The following PDE11A variants were observed in gnomAD, a reference collection of about 807,000 sequenced individuals.
The protein encoded by PDE11A is phosphodiesterase 11A.
Under a neutral mutation model 100.5 loss-of-function variants are expected in PDE11A, and 100 were observed. The observed-to-expected ratio is 1.00, with a 90% CI of 0.85 to 1.18. The LOEUF (loss-of-function observed/expected upper bound fraction) is 1.18. PDE11A is among the 50% of genes most tolerant of loss of function. The pLI is 0.00. For missense variants in PDE11A, 1,141 were observed against 1,152.6 expected, an observed-to-expected ratio of 0.99 and a Z score of 0.15; for synonymous variants, 381 against 420.8, an observed-to-expected ratio of 0.91 and a Z score of 1.16.
chr2:177,634,388 C>CTTTT (rs1198925669), intron 19 of PDE11A, among the ~76,000 whole-genome samples: 7,217 of 60,950 alleles, frequency 0.12, 399 homozygotes, highest in East Asian at 0.4. Flanking sequence ...TTTTCTCTCT[C>CTTTT]TCTTTTTTTT....
intron 14 of PDE11A, among the ~76,000 whole-genome samples, chr2:177,700,075 G>C (rs572524074): frequency 1.3e-5 from 2 of 152,304 alleles, no homozygotes; most frequent in African/African-American, 4.8e-5. Flanking sequence ...CACAGCCACA[G>C]AGGCCAGGAT....
chr2:177,726,167 A>G (rs1248890663), intron 12 of PDE11A, among the ~76,000 whole-genome samples: 1 of 151,974 alleles, frequency 6.6e-6, no homozygotes, highest in Non-Finnish European at 1.5e-5. Flanking sequence ...TTGATGGCTC[A>G]CTCCTCTAAC....
rs2079855574 is a variant in PDE11A at position 177,627,582 on chromosome 2, A to T, written c.*1825T>A. The T allele has an allele frequency of 6.6e-6, 1 of 152,014 alleles. No homozygotes were observed. Among genetic ancestry groups the T allele is most frequent in the South Asian group, 2.1e-4 (1 of 4,790 alleles). 9.4% of individuals were successfully genotyped at this position (152,014 alleles called of 1,614,324 possible). On this transcript the variant is annotated 3_prime_UTR_variant, in exon 20 of 20. Coordinates refer to ENST00000286063, the MANE Select transcript of PDE11A (RefSeq NM_016953.4). Reference sequence around the variant, plus strand: ...TAACAAGGGCCGGGTACGGTGGCTCACGCCTGTAATCCCAGCACTTTCGGA... The same window carrying T: ...TAACAAGGGCCGGGTACGGTGGCTCTCGCCTGTAATCCCAGCACTTTCGGA...
chr2:178,095,992 T>C (rs2087483860), intron 2 of PDE11A, among the ~76,000 whole-genome samples: 1 of 152,120 alleles, frequency 6.6e-6, no homozygotes, highest in Admixed American at 6.5e-5. Flanking sequence ...TTTTCCCACC[T>C]AGGTCTCAGG....
At position 177,791,393 on chromosome 2, in the gene PDE11A, G is replaced by A. The variant is rs888821859; in HGVS notation, c.1738-22020C>T. Among the ~76,000 whole-genome samples the A allele has an allele frequency of 4.2e-5, 5 of 118,828 alleles. No homozygotes were observed. The Admixed American group carries it at 4.7e-4, about 11-fold the overall frequency. 78.0% of individuals were successfully genotyped at this position (118,828 alleles called of 152,430 possible). A position where few individuals can be genotyped will look rare whatever the true frequency, so the allele number is the denominator to read the frequency against. ...CACACTCTGGGGACTGTTGTCGGGTGGGGGGAGGGGGGAGGGATAGCATTA... is the reference window on the plus strand; with the variant it reads ...CACACTCTGGGGACTGTTGTCGGGTAGGGGGAGGGGGGAGGGATAGCATTA... On this transcript the variant is annotated intron_variant, in intron 9 of 19. Coordinates refer to ENST00000286063, the MANE Select transcript of PDE11A (RefSeq NM_016953.4).
At chr2:178,039,851 T>C (rs1480472069) in intron 1 of PDE11A, among the ~76,000 whole-genome samples, 3 of 151,898 alleles carry the variant, frequency 2.0e-5, no homozygotes, top group Non-Finnish European at 4.4e-5. Context: ...AACAAAAGAA[T>C]ACATGTAGAA....
chr2:177,774,262 T>C (rs988514853), intron 9 of PDE11A, among the ~76,000 whole-genome samples: 12 of 152,224 alleles, frequency 7.9e-5, no homozygotes, highest in Non-Finnish European at 1.8e-4. Context: ...CATGCTATTG[T>C]GGTCACATAG....
In PDE11A at chr2:177,663,912, C is replaced by T. The variant is rs754536061; in HGVS notation, c.2600G>A (p.Arg867Gln). ...GCTATCAATCCACTCCAGTTGCAACCGAGGCAGTTCATCCTTCCGGTTCCG... is the reference window on the plus strand; with the variant it reads ...GCTATCAATCCACTCCAGTTGCAACTGAGGCAGTTCATCCTTCCGGTTCCG... ...FDRNRKDELP[R>Q]LQLEWIDSIC... The change falls in exon 19 of 20, where the codon CGG (arginine) becomes CAG (glutamine). Residue 867 changes from arginine (R) to glutamine (Q), a missense_variant. By Grantham distance (43) the Arg-to-Gln change is conservative. Coordinates refer to ENST00000286063, the MANE Select transcript of PDE11A (RefSeq NM_016953.4). 2.9e-5 allele frequency: 46 copies of T among 1,612,654 alleles called. No homozygotes were observed. Among genetic ancestry groups the T allele is most frequent in the East Asian group, 4.5e-5 (2 of 44,880 alleles).
intron 1 of PDE11A, among the ~76,000 whole-genome samples, chr2:178,065,240 T>C (rs993199293): frequency 9.2e-5 from 14 of 152,188 alleles, no homozygotes; most frequent in African/African-American, 2.7e-4. Context: ...CTCAAGGACC[T>C]TGTTGACTTT....
intron 1 of PDE11A, among the ~76,000 whole-genome samples, chr2:178,017,789 T>A (rs1211986116): frequency 6.6e-6 from 1 of 152,012 alleles, no homozygotes; most frequent in East Asian, 1.9e-4. Context: ...TGAAACCTTG[T>A]CTCTACTAAA....
At chr2:177,781,760 C>A (rs1005656533) in intron 9 of PDE11A, among the ~76,000 whole-genome samples, 1 of 152,172 alleles carries the variant, frequency 6.6e-6, no homozygotes, top group Non-Finnish European at 1.5e-5. Flanking sequence ...CCTCTGCCTC[C>A]CAAAGTGCTG....
intron 2 of PDE11A, among the ~76,000 whole-genome samples, chr2:177,985,113 A>G (rs1173262743): frequency 1.3e-5 from 2 of 152,274 alleles, no homozygotes; most frequent in African/African-American, 4.8e-5. Context: ...GGCATTTGAT[A>G]TAATTGAAAT....
chr2:177,937,095 A>G (rs2085284276), intron 2 of PDE11A, among the ~76,000 whole-genome samples: 1 of 152,126 alleles, frequency 6.6e-6, no homozygotes, highest in South Asian at 2.1e-4. Flanking sequence ...TCAACAGAAG[A>G]ACGTTGTACG....
intron 2 of PDE11A, among the ~76,000 whole-genome samples, chr2:178,082,919 G>C (rs2087304776): frequency 6.6e-6 from 1 of 152,064 alleles, no homozygotes; most frequent in African/African-American, 2.4e-5. Context: ...AGCCATATCT[G>C]ACCTCTCACA....
At chr2:178,050,959 C>T (rs931974625) in intron 1 of PDE11A, among the ~76,000 whole-genome samples, 1 of 152,164 alleles carries the variant, frequency 6.6e-6, no homozygotes, top group Non-Finnish European at 1.5e-5. Context: ...GAGAACTTCC[C>T]CAACCTAGCA....
At chr2:177,702,944 G>T (rs754853032) in intron 13 of PDE11A, among the ~76,000 whole-genome samples, 1 of 152,058 alleles carries the variant, frequency 6.6e-6, no homozygotes, top group African/African-American at 2.4e-5. Flanking sequence ...CTTAATGTTA[G>T]TTACTATTTG....
intron 1 of PDE11A, chr2:178,018,525 G>T: frequency 2.3e-6 from 1 of 435,162 alleles, no homozygotes; most frequent in Non-Finnish European, 4.5e-6. Context: ...ACTTATCTTT[G>T]CCTCTGCTCT....
At chr2:177,954,961 A>T (rs1574305455) in intron 2 of PDE11A, among the ~76,000 whole-genome samples, 1 of 152,196 alleles carries the variant, frequency 6.6e-6, no homozygotes, top group African/African-American at 2.4e-5. Context: ...CATGCAAGAC[A>T]TATGAGTACT....
chr2:177,950,727 C>T (rs377065823), intron 2 of PDE11A, among the ~76,000 whole-genome samples: 1 of 152,334 alleles, frequency 6.6e-6, no homozygotes, highest in African/African-American at 2.4e-5. Flanking sequence ...CTGGCTAACA[C>T]GGTGAAACCC....
Sources: gnomAD v4.1 joint callset for allele counts (sites outside exome capture counted in the v4.1 genomes callset) on GRCh38, gnomAD v4.1.1 for gene constraint, MANE v1.5 for transcripts, NCBI Gene and HGNC (gene_info 2026-07-23, HGNC 2026-07-21) for gene names.